DPYS: variants seen among roughly 807,000 people sequenced by gnomAD.
DPYS encodes the protein dihydropyrimidinase.
Under a neutral mutation model 50.3 loss-of-function variants are expected in DPYS, and 39 were observed. The ratio of observed to expected loss-of-function variants is 0.78; its 90% CI spans 0.60 to 1.01. DPYS has a LOEUF of 1.01. Among genes scored for constraint, DPYS ranks in the 50% least tolerant of loss-of-function variants. DPYS has a pLI of 0.00. For synonymous variants in DPYS, 245 were observed against 250.7 expected (o/e 0.98, Z 0.22); for missense variants, 659 against 680.9 (o/e 0.97, Z 0.36).
intron 1 of DPYS, among the ~76,000 whole-genome samples, chr8:104,464,615 C>T (rs772796032): frequency 6.6e-6 from 1 of 152,190 alleles, no homozygotes; most frequent in Non-Finnish European, 1.5e-5. Flanking sequence ...AGGGCTTGCA[C>T]TATGACTGAA....
At chr8:104,464,894 T>C (rs1192650981) in intron 1 of DPYS, among the ~76,000 whole-genome samples, 5 of 152,240 alleles carry the variant, frequency 3.3e-5, no homozygotes, top group African/African-American at 1.2e-4. Flanking sequence ...TCAGTGCATA[T>C]TACTTTTTAG....
chr8:104,408,823 T>G lies in DPYS; in HGVS notation c.1235+15424A>C, dbSNP rs534673252. Among the ~76,000 whole-genome samples the G allele has an allele frequency of 2.0e-3, 309 of 151,870 alleles. 1 individual carries two copies. Among genetic ancestry groups the G allele is most frequent in the African/African-American group, 5.5e-3 (230 of 41,506 alleles). ...CCAAACATGTTTTTTTGTTTGTTTT[T>G]TTTTTTTGAGATAGAGTTTCACTCT... is the stretch of plus-strand genomic sequence containing the variant. On this transcript the variant is annotated intron_variant, in intron 7 of 9. Coordinates refer to ENST00000351513, the MANE Select transcript of DPYS (RefSeq NM_001385.3).
intron 4 of DPYS, among the ~76,000 whole-genome samples, chr8:104,441,492 G>T (rs950429050): frequency 2.0e-5 from 3 of 152,154 alleles, no homozygotes; most frequent in Non-Finnish European, 4.4e-5. Flanking sequence ...TGAATTAATC[G>T]GTAGGCTTAA....
chr8:104,440,864 A>G (rs1208418794), intron 4 of DPYS, among the ~76,000 whole-genome samples: 2 of 152,176 alleles, frequency 1.3e-5, no homozygotes, highest in East Asian at 1.9e-4. Flanking sequence ...ATGATTTCTT[A>G]TTTACATCTA....
intron 8 of DPYS, among the ~76,000 whole-genome samples, chr8:104,390,567 G>T (rs547300814): frequency 1.3e-5 from 2 of 150,704 alleles, no homozygotes; most frequent in African/African-American, 4.9e-5. Context: ...GTGTGATCTT[G>T]GCTCACTGCA....
At chr8:104,448,156 C>CTTT (rs35179334) in intron 2 of DPYS, among the ~76,000 whole-genome samples, 2 of 137,990 alleles carry the variant, frequency 1.4e-5, no homozygotes, top group Non-Finnish European at 1.6e-5. Context: ...AACAATTGCT[C>CTTT]TTTTTTTTTT....
intron 7 of DPYS, chr8:104,421,458 C>T (rs1435995075): frequency 6.6e-6 from 1 of 152,072 alleles, no homozygotes; most frequent in Non-Finnish European, 1.5e-5. Context: ...ACGGTGAAAC[C>T]CCATCTCTAC....
chr8:104,425,496 G>A (rs144533994), intron 6 of DPYS, among the ~76,000 whole-genome samples: 109 of 150,472 alleles, frequency 7.2e-4, no homozygotes, highest in African/African-American at 2.6e-3. Context: ...TATAGAGATG[G>A]GGTTTCACCA....
At chr8:104,462,064 C>T (rs576116731) in intron 1 of DPYS, among the ~76,000 whole-genome samples, 1 of 152,222 alleles carries the variant, frequency 6.6e-6, no homozygotes, top group Non-Finnish European at 1.5e-5. Context: ...GCAGTTGATT[C>T]ATTTAACTAA....
chr8:104,449,434 G>A (rs1285241254), intron 2 of DPYS, among the ~76,000 whole-genome samples: 3 of 152,162 alleles, frequency 2.0e-5, no homozygotes, highest in Non-Finnish European at 2.9e-5. Context: ...CAAAAGTGTG[G>A]CAACTGAACC....
intron 7 of DPYS, among the ~76,000 whole-genome samples, chr8:104,408,696 A>G (rs1007635278): frequency 6.6e-6 from 1 of 152,330 alleles, no homozygotes; most frequent in East Asian, 1.9e-4. Context: ...AGGACCTAAC[A>G]TTAAAAAAAT....
At chr8:104,383,608 T>A (rs2140501623) in intron 8 of DPYS, among the ~76,000 whole-genome samples, 1 of 151,552 alleles carries the variant, frequency 6.6e-6, no homozygotes, top group Admixed American at 6.6e-5. Context: ...GCTGTACTTT[T>A]TTTTTTTTTT....
chr8:104,397,221 A>C (rs1463423610), intron 7 of DPYS, among the ~76,000 whole-genome samples: 2 of 152,202 alleles, frequency 1.3e-5, no homozygotes, highest in Non-Finnish European at 2.9e-5. Context: ...CCCTGACGAC[A>C]TGGGGTGAAA....
chr8:104,402,311 A>G (rs150793270), intron 7 of DPYS, among the ~76,000 whole-genome samples: 29 of 152,330 alleles, frequency 1.9e-4, no homozygotes, highest in African/African-American at 6.7e-4. Flanking sequence ...CTTGTTCTAT[A>G]CGGTAGTTTT....
intron 7 of DPYS, among the ~76,000 whole-genome samples, chr8:104,403,156 G>A (rs1246636672): frequency 6.6e-6 from 1 of 152,082 alleles, no homozygotes; most frequent in African/African-American, 2.4e-5. Context: ...ACCTACTGCT[G>A]ACTTCCATCT....
intron 7 of DPYS, among the ~76,000 whole-genome samples, chr8:104,403,454 AAGCAGCCTGCCACCATCTTGGG>A (rs1811893199): frequency 8.1e-6 from 1 of 123,842 alleles, no homozygotes; most frequent in Admixed American, 7.6e-5. Context: ...ACCATCTTGG[AAGCAGCCTGCCACCATCTTGGG>A]AGCTCTGGGA....
intron 7 of DPYS, among the ~76,000 whole-genome samples, chr8:104,399,865 T>TTA (rs1811731025): frequency 1.2e-4 from 1 of 8,070 alleles, no homozygotes; most frequent in Admixed American, 1.3e-3. Context: ...AGACTCCGTC[T>TTA]CAAAAAAAAA....
chr8:104,463,839 G>A (rs1245210134), intron 1 of DPYS, among the ~76,000 whole-genome samples: 1 of 152,180 alleles, frequency 6.6e-6, no homozygotes, highest in East Asian at 1.9e-4. Flanking sequence ...CAAAGGCCAG[G>A]AAAGAAGACA....
In DPYS at chr8:104,466,816, G is replaced by C; in HGVS notation, c.105C>G (p.Leu35=). ...VLVEDGVVRA[L]GHDLLPPGGA... ...CCCCGGGAGGCAGCAGGTCGTGCCC[G>C]AGTGCCCGCACCACGCCGTCCTCCA... is the stretch of plus-strand genomic sequence containing the variant. Residue 35 remains leucine, a synonymous_variant, in exon 1 of 10, where the codon CTC becomes CTG. Transcript: ENST00000351513. 4 of 1,533,804 alleles carry C rather than the reference G, an allele frequency of 2.6e-6. No homozygotes were observed. The highest frequency in any genetic ancestry group is 3.5e-6 in the Non-Finnish European group (4 of 1,145,590).
Sources: allele counts gnomAD v4.1 joint callset (sites outside exome capture counted in the v4.1 genomes callset), GRCh38; gene constraint gnomAD v4.1.1; transcripts MANE v1.5; gene names NCBI Gene and HGNC (gene_info 2026-07-23, HGNC 2026-07-21).